Variants in ZNF385B observed in about 807,000 individuals in gnomAD.
ZNF385B encodes zinc finger protein 385B, also known as zinc finger protein 533.
A neutral mutation model predicts 39.2 loss-of-function variants in ZNF385B; 23 were observed. The ratio of observed to expected loss-of-function variants is 0.59; its 90% CI spans 0.42 to 0.83. The LOEUF is 0.83. Among genes scored for constraint, ZNF385B ranks in the 40% least tolerant of loss-of-function variants. The pLI is 0.00. For synonymous variants in ZNF385B, 205 were observed against 222.6 expected (o/e 0.92, Z 0.70); for missense variants, 552 against 598.9 (o/e 0.92, Z 0.82).
chr2:179,618,135 T>C (rs1336024063), intron 3 of ZNF385B, among the ~76,000 whole-genome samples: 1 of 152,168 alleles, frequency 6.6e-6, no homozygotes, highest in Non-Finnish European at 1.5e-5. Context: ...ATGATCACTC[T>C]TATACTCATT....
intron 6 of ZNF385B, among the ~76,000 whole-genome samples, chr2:179,477,498 G>A (rs2053556486): frequency 6.6e-6 from 1 of 152,136 alleles, no homozygotes; most frequent in Non-Finnish European, 1.5e-5. Flanking sequence ...CATAGGGCAT[G>A]GGTGTGGGAT....
At chr2:179,579,196 AG>A (rs1164689136) in intron 3 of ZNF385B, among the ~76,000 whole-genome samples, 2 of 152,152 alleles carry the variant, frequency 1.3e-5, no homozygotes, top group Non-Finnish European at 2.9e-5. Context: ...GCTAATGTGG[AG>A]AAAAACTGAA....
At chr2:179,733,063 G>T (rs1005960433) in intron 3 of ZNF385B, among the ~76,000 whole-genome samples, 3 of 152,162 alleles carry the variant, frequency 2.0e-5, no homozygotes, top group African/African-American at 4.8e-5. Flanking sequence ...AGATGACTAT[G>T]TACAATCATG....
At chr2:179,752,627 C>T (rs1284820407) in intron 3 of ZNF385B, among the ~76,000 whole-genome samples, 1 of 152,156 alleles carries the variant, frequency 6.6e-6, no homozygotes, top group East Asian at 1.9e-4. Context: ...GATCGCCATT[C>T]TAACTGGTGT....
intron 6 of ZNF385B, among the ~76,000 whole-genome samples, chr2:179,455,879 CAA>C (rs58336646): frequency 0.11 from 13,649 of 123,186 alleles, 726 homozygotes; most frequent in East Asian, 0.3. Context: ...GACTGCATCT[CAA>C]AAAAAAAAAA....
chr2:179,839,360 T>A (rs1203232641), intron 1 of ZNF385B, among the ~76,000 whole-genome samples: 1 of 152,166 alleles, frequency 6.6e-6, no homozygotes, highest in Non-Finnish European at 1.5e-5. Flanking sequence ...CTTCCATTAA[T>A]TTTTATTAGT....
chr2:179,853,537 A>G (rs1454092563), intron 1 of ZNF385B, among the ~76,000 whole-genome samples: 1 of 152,256 alleles, frequency 6.6e-6, no homozygotes, highest in African/African-American at 2.4e-5. Context: ...GTAAACAAGG[A>G]AAGGCAGATG....
intron 5 of ZNF385B, among the ~76,000 whole-genome samples, chr2:179,503,755 G>C (rs2056973955): frequency 6.6e-6 from 1 of 150,504 alleles, no homozygotes; most frequent in Non-Finnish European, 1.5e-5. Flanking sequence ...GTGATAGTTT[G>C]CTGAGAATGA....
At chr2:179,667,766 G>T (rs1559060424) in intron 3 of ZNF385B, among the ~76,000 whole-genome samples, 1 of 151,936 alleles carries the variant, frequency 6.6e-6, no homozygotes, top group Non-Finnish European at 1.5e-5. Context: ...ACAACATACA[G>T]TGCAGAGATG....
intron 1 of ZNF385B, among the ~76,000 whole-genome samples, chr2:179,860,342 T>C (rs879609295): frequency 5.9e-5 from 9 of 152,128 alleles, no homozygotes; most frequent in Non-Finnish European, 8.8e-5. Flanking sequence ...AGGTTCACCA[T>C]AAAAACTGTG....
At chr2:179,799,373 G>A (rs1484939587) in intron 1 of ZNF385B, among the ~76,000 whole-genome samples, 2 of 151,948 alleles carry the variant, frequency 1.3e-5, no homozygotes, top group Non-Finnish European at 2.9e-5. Context: ...AGTCAGTGTT[G>A]TATTCCTTTA....
intron 1 of ZNF385B, among the ~76,000 whole-genome samples, chr2:179,811,635 T>C (rs747833663): frequency 2.1e-4 from 32 of 152,130 alleles, no homozygotes; most frequent in African/African-American, 2.9e-4. Flanking sequence ...CATTTTAACA[T>C]GTACAAAAAT....
At chr2:179,468,236 T>C (rs993649139) in intron 6 of ZNF385B, among the ~76,000 whole-genome samples, 7 of 152,246 alleles carry the variant, frequency 4.6e-5, no homozygotes, top group Non-Finnish European at 1.0e-4. Flanking sequence ...AGTGAACTTG[T>C]CAGCTTTTCT....
intron 1 of ZNF385B, among the ~76,000 whole-genome samples, chr2:179,775,619 G>A (rs551934464): frequency 6.6e-6 from 1 of 152,310 alleles, no homozygotes; most frequent in African/African-American, 2.4e-5. Context: ...ATCAATGGCT[G>A]AGTCAGAAAA....
intron 3 of ZNF385B, among the ~76,000 whole-genome samples, chr2:179,680,811 G>A (rs1559082621): frequency 6.6e-6 from 1 of 152,072 alleles, no homozygotes; most frequent in African/African-American, 2.4e-5. Context: ...TATTAGAGGT[G>A]TAAAACAGTT....
intron 5 of ZNF385B, among the ~76,000 whole-genome samples, chr2:179,504,671 G>T (rs533294276): frequency 2.0e-5 from 3 of 147,824 alleles, no homozygotes; most frequent in East Asian, 1.9e-4. Flanking sequence ...GGTGGGGAGA[G>T]GGGGGAGGGA....
Position 179,529,705 on chromosome 2 carries a change from G to A in ZNF385B, c.442-11067C>T, listed in dbSNP as rs367733232. 2.1e-4 allele frequency among the ~76,000 whole-genome samples: 32 copies of A among 152,180 alleles called. 1 individual carries two copies. In the East Asian group the frequency reaches 4.7e-3, roughly 22 times the overall value. The stretch of plus-strand genomic sequence containing the variant: ...AGTGCTATCAATATGTTTTGTATGT[G>A]GAGAAGTTACTGTCCTCAAAGTACT... On this transcript the variant is annotated intron_variant, in intron 4 of 9. Transcript: ENST00000410066.
chr2:179,806,650 CAT>C (rs1706369461), intron 1 of ZNF385B, among the ~76,000 whole-genome samples: 1 of 152,156 alleles, frequency 6.6e-6, no homozygotes, highest in Admixed American at 6.5e-5. Flanking sequence ...GACATTCTCA[CAT>C]GTTAACTCAG....
chr2:179,465,742 TAGTCTC>T (rs1194139269), intron 6 of ZNF385B, among the ~76,000 whole-genome samples: 145 of 152,316 alleles, frequency 9.5e-4, no homozygotes, highest in African/African-American at 3.2e-3. Context: ...TTGACCATTC[TAGTCTC>T]TGAGCCCATG....
Sources: allele counts gnomAD v4.1 joint callset (sites outside exome capture counted in the v4.1 genomes callset), GRCh38; gene constraint gnomAD v4.1.1; transcripts MANE v1.5; gene names NCBI Gene and HGNC (gene_info 2026-07-23, HGNC 2026-07-21).